DLC1: variants seen among roughly 807,000 people sequenced by gnomAD.
DLC1 encodes DLC1 Rho GTPase activating protein.
Under a neutral mutation model 140.3 loss-of-function variants are expected in DLC1, and 54 were observed. That is an observed-to-expected ratio of 0.38 (90% CI 0.31 to 0.48). The LOEUF (loss-of-function observed/expected upper bound fraction) is 0.48, where lower values mean the gene tolerates loss of function less well. Among genes scored for constraint, DLC1 ranks in the 20% least tolerant of loss-of-function variants. The pLI, the probability that DLC1 is intolerant of heterozygous loss-of-function variation, is 0.96. For synonymous variants in DLC1, 986 were observed against 728.1 expected (o/e 1.35, Z -5.70); for missense variants, 2,536 against 1,907.0 (o/e 1.33, Z -6.14).
At chr8:13,434,950 G>C (rs902886913) in intron 2 of DLC1, among the ~76,000 whole-genome samples, 4 of 151,224 alleles carry the variant, frequency 2.6e-5, no homozygotes, top group Non-Finnish European at 2.9e-5. Flanking sequence ...AAAATGCTGG[G>C]ATTACAGGCG....
intron 2 of DLC1, among the ~76,000 whole-genome samples, chr8:13,474,086 C>G (rs897190509): frequency 1.3e-5 from 2 of 152,306 alleles, no homozygotes; most frequent in Admixed American, 1.3e-4. Context: ...ATGGCAGCCC[C>G]TCCCATCAAT....
upstream of DLC1, among the ~76,000 whole-genome samples, chr8:13,518,040 A>C (rs147166858): frequency 2.0e-5 from 3 of 152,138 alleles, no homozygotes; most frequent in African/African-American, 4.8e-5. Flanking sequence ...ACAATTATGT[A>C]CTCTGTGGAA....
chr8:13,387,320 C>T (rs904338842), intron 4 of DLC1, among the ~76,000 whole-genome samples: 1 of 151,916 alleles, frequency 6.6e-6, no homozygotes, highest in Non-Finnish European at 1.5e-5. Context: ...AAATATTGAA[C>T]AGCATTAGGG....
At chr8:13,126,374 C>T (rs1460235615) in intron 5 of DLC1, among the ~76,000 whole-genome samples, 2 of 151,518 alleles carry the variant, frequency 1.3e-5, no homozygotes, top group East Asian at 3.9e-4. Flanking sequence ...TCCATACACA[C>T]ACACACACAC....
At chr8:13,346,756 T>C (rs1211828699) in intron 4 of DLC1, among the ~76,000 whole-genome samples, 3 of 152,176 alleles carry the variant, frequency 2.0e-5, no homozygotes, top group African/African-American at 4.8e-5. Flanking sequence ...AAGCCCCTGT[T>C]ATTGGCTCTC....
At chr8:13,589,798 T>C (rs560651396) in intron 1 of DLC1, among the ~76,000 whole-genome samples, 4 of 151,736 alleles carry the variant, frequency 2.6e-5, no homozygotes, top group Admixed American at 2.6e-4. Context: ...TTTTAAAATA[T>C]AAATGGTGAA....
intron 2 of DLC1, among the ~76,000 whole-genome samples, chr8:13,416,890 T>C (rs1050176055): frequency 1.3e-5 from 2 of 152,148 alleles, no homozygotes; most frequent in African/African-American, 2.4e-5. Flanking sequence ...AAAAAACTTT[T>C]TTTTTTCACT....
chr8:13,094,767 A>G lies in DLC1; in HGVS notation c.3518T>C (p.Ile1173Thr), dbSNP rs755227268. The change falls in exon 12 of 18, where the codon ATC becomes ACC. Residue 1173 changes from isoleucine to threonine, a missense_variant. Coordinates refer to ENST00000276297, the MANE Select transcript of DLC1 (RefSeq NM_182643.3). ...GATCAAAGGACACTCACATTGGTAG[A>G]TCTGTAGAAAGGTTTCCGAGAGTTT... ...TNKLSETFLQ[I>T]YQYVPKDQRL... 2 of 1,614,166 alleles carry G rather than the reference A, an allele frequency of 1.2e-6. No homozygotes were observed. Among genetic ancestry groups the G allele is most frequent in the African/African-American group, 1.3e-5 (1 of 75,036 alleles).
At chr8:13,450,809 G>C (rs969996324) in intron 2 of DLC1, among the ~76,000 whole-genome samples, 68 of 151,962 alleles carry the variant, frequency 4.5e-4, no homozygotes, top group Middle Eastern at 3.4e-3. Flanking sequence ...GGGAGGCCGA[G>C]GTGGGCGGAT....
chr8:13,183,591 T>G (rs1826166117), intron 5 of DLC1, among the ~76,000 whole-genome samples: 1 of 152,214 alleles, frequency 6.6e-6, no homozygotes. Context: ...TTTTTTTCAT[T>G]GGTTCTGTTT....
rs935192237 is a variant in DLC1, at chr8:13,288,255, C to T, written c.1348+17014G>A. On this transcript the variant is annotated intron_variant, in intron 5 of 17. Transcript: ENST00000276297. ...ATTTAAAAATAATTGTTTTTGTTTT[C>T]CTTTAATACAGAACTAAGAATAAGG... 2.0e-5 allele frequency among the ~76,000 whole-genome samples: 3 copies of T among 152,120 alleles called. No homozygotes were observed. In the South Asian group the frequency reaches 6.2e-4, roughly 32 times the overall value.
At chr8:13,409,813 A>G (rs1377481619) in intron 2 of DLC1, among the ~76,000 whole-genome samples, 1 of 152,170 alleles carries the variant, frequency 6.6e-6, no homozygotes, top group Non-Finnish European at 1.5e-5. Flanking sequence ...GCAGATTGTC[A>G]GTATACTTGT....
chr8:13,301,652 A>G (rs1038148862), intron 5 of DLC1, among the ~76,000 whole-genome samples: 6 of 152,196 alleles, frequency 3.9e-5, no homozygotes, highest in African/African-American at 7.2e-5. Context: ...CACTCTTTAG[A>G]GCAGGGATCC....
At chr8:13,573,920 G>A (rs1368703771) in intron 1 of DLC1, among the ~76,000 whole-genome samples, 1 of 152,106 alleles carries the variant, frequency 6.6e-6, no homozygotes, top group African/African-American at 2.4e-5. Context: ...TGTGAGCAAC[G>A]CAAGTGTAGA....
intron 4 of DLC1, among the ~76,000 whole-genome samples, chr8:13,388,080 T>A (rs1429657047): frequency 6.6e-6 from 1 of 152,072 alleles, no homozygotes; most frequent in African/African-American, 2.4e-5. Context: ...TTTTACAGGT[T>A]CAGGAATTTA....
intron 5 of DLC1, among the ~76,000 whole-genome samples, chr8:13,298,100 A>G (rs2117490333): frequency 6.6e-6 from 1 of 152,330 alleles, no homozygotes; most frequent in Middle Eastern, 3.4e-3. Context: ...AAGTTTGGAG[A>G]GACCGTGACT....
chr8:13,189,138 A>G (rs1320146260), intron 5 of DLC1, among the ~76,000 whole-genome samples: 2 of 152,112 alleles, frequency 1.3e-5, no homozygotes, highest in Non-Finnish European at 2.9e-5. Flanking sequence ...AAATAATTGT[A>G]AGTATTTCAA....
At chr8:13,435,520 G>C (rs289619) in intron 2 of DLC1, among the ~76,000 whole-genome samples, 5,015 of 151,920 alleles carry the variant, frequency 0.033, 268 homozygotes, top group African/African-American at 0.11. Context: ...CTCCATGTTG[G>C]TCAGGCTGGT....
chr8:13,115,967 A>G (rs1820525378), intron 5 of DLC1, among the ~76,000 whole-genome samples: 1 of 152,198 alleles, frequency 6.6e-6, no homozygotes, highest in African/African-American at 2.4e-5. Flanking sequence ...ATAAGGCATC[A>G]TGAGAAAGTT....
Sources: allele counts gnomAD v4.1 joint callset (sites outside exome capture counted in the v4.1 genomes callset), GRCh38; gene constraint gnomAD v4.1.1; transcripts MANE v1.5; gene names NCBI Gene and HGNC (gene_info 2026-07-23, HGNC 2026-07-21).